MEI1: variants seen among roughly 807,000 people sequenced by gnomAD.
MEI1 encodes meiosis inhibitor protein 1.
In MEI1, 103 loss-of-function variants were observed where a neutral mutation model predicts 146.2. That is an observed-to-expected ratio of 0.70 (90% CI 0.60 to 0.83). MEI1 has a LOEUF of 0.83. Among genes scored for constraint, MEI1 ranks in the 40% least tolerant of loss-of-function variants. MEI1 has a pLI of 0.00. For missense variants in MEI1, 1,529 were observed against 1,533.0 expected (o/e 1.00, Z 0.04); for synonymous variants, 652 against 628.2 (o/e 1.04, Z -0.57).
rs2071761583 is a variant in MEI1 at position 41,730,509 on chromosome 22, C to T, written c.980-12C>T. ...CTGTCATTTATTGTTTTCTCATCCTCTCCCTTGTTAGAGTTCCTCTTTGAG... is the reference window on the plus strand; with the variant it reads ...CTGTCATTTATTGTTTTCTCATCCTTTCCCTTGTTAGAGTTCCTCTTTGAG... On this transcript the variant is annotated splice_polypyrimidine_tract_variant and intron_variant, in intron 8 of 30. Transcript: ENST00000401548. 2 of 1,583,110 alleles carry T rather than the reference C, an allele frequency of 1.3e-6. No individual in the cohort carries two copies. The highest frequency in any genetic ancestry group is 1.7e-6 in the Non-Finnish European group (2 of 1,151,852).
chr22:41,730,817 G>T (rs78712535), intron 9 of MEI1, among the ~76,000 whole-genome samples, 180 bp downstream of exon 9: 577 of 152,220 alleles, frequency 3.8e-3, no homozygotes, highest in Non-Finnish European at 6.2e-3. Context: ...CAAATGTTCT[G>T]CTGTTCGCTG....
In MEI1 at chr22:41,740,034, G is replaced by A. The variant is rs112724017; in HGVS notation, c.1332-3046G>A. ...TGGATTATTTTACTTTTTTTTTGGTGGGGGGGGTGGAGTCTCGCTCTGTTG... is the reference window on the plus strand; with the variant it reads ...TGGATTATTTTACTTTTTTTTTGGTAGGGGGGGTGGAGTCTCGCTCTGTTG... On this transcript the variant is annotated intron_variant, in intron 11 of 30. Coordinates refer to ENST00000401548, the MANE Select transcript of MEI1 (RefSeq NM_152513.4). Among the ~76,000 whole-genome samples the A allele has an allele frequency of 6.0e-5, 9 of 150,492 alleles. No homozygotes were observed. The East Asian group carries it at 9.7e-4, about 16-fold the overall frequency.
intron 3 of MEI1, among the ~76,000 whole-genome samples, chr22:41,706,510 C>T (rs1467650050): frequency 3.3e-5 from 5 of 151,950 alleles, no homozygotes; most frequent in East Asian, 1.9e-4. Context: ...TAGTACATCT[C>T]GTATTGGTTC....
At position 41,716,355 on chromosome 22, in the gene MEI1, C is replaced by CTTTTTTT. The variant is rs6147630; in HGVS notation, c.529+241_529+247dup. ...TATTCTTGGACTATTTCCATTCATT[C>CTTTTTTT]TTTTTTTTTTTTTTTTTTTTTTTTT... is the stretch of plus-strand genomic sequence containing the variant. On this transcript the variant is annotated intron_variant, in intron 5 of 30. Coordinates refer to ENST00000401548, the MANE Select transcript of MEI1 (RefSeq NM_152513.4). 8.0e-4 allele frequency among the ~76,000 whole-genome samples: 95 copies of CTTTTTTT among 118,560 alleles called. 9 individuals carry two copies. Among genetic ancestry groups the CTTTTTTT allele is most frequent in the Non-Finnish European group, 1.1e-3 (64 of 58,670 alleles). The allele number at this position is 118,560 out of a possible 152,430, so 77.8% of individuals were successfully genotyped here.
intron 11 of MEI1, among the ~76,000 whole-genome samples, chr22:41,742,841 A>G (rs1303425827): frequency 1.3e-5 from 2 of 152,060 alleles, no homozygotes; most frequent in African/African-American, 4.8e-5. Flanking sequence ...ACTGGGTTTC[A>G]CCATGTTGCC....
chr22:41,743,185 G>A lies in MEI1; in HGVS notation c.1437G>A (p.Arg479=). ...CAEFSQTLLS[R]RPLGHASSRD... ...AGTTTTCCCAGACCTTGCTGAGCAG[G>A]AGGCCCCTGGTCAGTGTACTGCAGC... Residue 479 remains arginine (R), a synonymous_variant, in exon 12 of 31, where the codon AGG becomes AGA. Transcript: ENST00000401548. 6.2e-7 allele frequency: 1 copy of A among 1,612,604 alleles called. No individual in the cohort carries two copies. Among genetic ancestry groups the A allele is most frequent in the African/African-American group, 1.3e-5 (1 of 75,018 alleles).
At chr22:41,760,568 G>A (rs980231867) in intron 18 of MEI1, among the ~76,000 whole-genome samples, 2 of 152,092 alleles carry the variant, frequency 1.3e-5, no homozygotes, top group South Asian at 2.1e-4. Flanking sequence ...AGGACGAGCC[G>A]TAGACAGAAC....
At chr22:41,772,798 G>A (rs2075256413) in intron 20 of MEI1, among the ~76,000 whole-genome samples, 1 of 152,120 alleles carries the variant, frequency 6.6e-6, no homozygotes, top group African/African-American at 2.4e-5. Flanking sequence ...TCACACCCAT[G>A]GCTTTGTTTG....
chr22:41,778,998 G>C, intron 22 of MEI1, 186 bp downstream of exon 22: 1 of 538,820 alleles, frequency 1.9e-6, no homozygotes. Context: ...TTGTTCTCTG[G>C]GAATGTTTGG....
chr22:41,748,921 G>C (rs1158789869), intron 15 of MEI1, among the ~76,000 whole-genome samples: 2 of 151,816 alleles, frequency 1.3e-5, no homozygotes, highest in African/African-American at 4.8e-5. Flanking sequence ...TCCTGTTTCA[G>C]CGTCCTGATT....
chr22:41,786,412 TG>T (rs1050175756), intron 26 of MEI1, among the ~76,000 whole-genome samples: 6 of 152,210 alleles, frequency 3.9e-5, no homozygotes, highest in African/African-American at 1.4e-4. Context: ...TGAGAAGTCC[TG>T]GGGTCAATAC....
intron 11 of MEI1, among the ~76,000 whole-genome samples, chr22:41,733,021 T>C (rs1291876486): frequency 6.6e-6 from 1 of 152,032 alleles, no homozygotes; most frequent in East Asian, 1.9e-4. Context: ...CCTCAGGTGA[T>C]TCACCTGTCT....
chr22:41,753,950 C>T lies in MEI1; in HGVS notation c.1855C>T (p.His619Tyr). 1 of 1,605,736 alleles carries T rather than the reference C, an allele frequency of 6.2e-7. No homozygotes were observed. Among genetic ancestry groups the T allele is most frequent in the South Asian group, 1.1e-5 (1 of 90,882 alleles). The change falls in exon 17 of 31, where the codon CAC becomes TAC. Residue 619 changes from histidine (H) to tyrosine (Y), a missense_variant and splice_region_variant. By Grantham distance (83) the His-to-Tyr change is moderately conservative. This residue lies in a region of MEI1 where 1,212 missense variants were observed against 1,178.9 expected (regional missense o/e 1.03). Transcript: ENST00000401548. ...ATTCTTTCTTCTTCTCCCTCTAAGTCACTCAGCCCTAAACCAGGTGTGTTC... is the reference window on the plus strand; with the variant it reads ...ATTCTTTCTTCTTCTCCCTCTAAGTTACTCAGCCCTAAACCAGGTGTGTTC... ...LKARFCSGLSHSALNQVCSNF... is the reference protein window; with the variant it reads ...LKARFCSGLSYSALNQVCSNF...
chr22:41,724,846 C>A (rs896688666), intron 7 of MEI1, among the ~76,000 whole-genome samples: 2 of 151,140 alleles, frequency 1.3e-5, no homozygotes, highest in African/African-American at 2.4e-5. Flanking sequence ...TCTCTCCACT[C>A]AGGCTGGAAT....
At chr22:41,781,027 A>T (rs1012067434) in intron 22 of MEI1, among the ~76,000 whole-genome samples, 3 of 152,184 alleles carry the variant, frequency 2.0e-5, no homozygotes, top group Non-Finnish European at 4.4e-5. Flanking sequence ...TGTTCACAGG[A>T]TGGATCCCTT....
chr22:41,770,023 A>G (rs2075084792), intron 19 of MEI1, among the ~76,000 whole-genome samples: 1 of 151,642 alleles, frequency 6.6e-6, no homozygotes, highest in South Asian at 2.1e-4. Flanking sequence ...AATCCCAGCT[A>G]CTCAGGAGGC....
At position 41,795,270 on chromosome 22, in the gene MEI1, C is replaced by T; in HGVS notation, c.3535-141C>T. On this transcript the variant is annotated intron_variant, in intron 28 of 30. Coordinates refer to ENST00000401548, the MANE Select transcript of MEI1 (RefSeq NM_152513.4). The surrounding 1 kb of genome is among the most constrained non-coding windows in gnomAD (Gnocchi z 4.2). ...CCCCATGACACAGTCCCACCTCTGC[C>T]CACTAACTCTGAGCTCCTTGAAGGC... The T allele has an allele frequency of 8.9e-7, 1 of 1,123,720 alleles. No homozygotes were observed. Among genetic ancestry groups the T allele is most frequent in the Non-Finnish European group, 1.3e-6 (1 of 784,554 alleles). The allele number at this position is 1,123,720 out of a possible 1,614,324, so 69.6% of individuals were successfully genotyped here. A position where few individuals can be genotyped will look rare whatever the true frequency, so the allele number is the denominator to read the frequency against.
intron 12 of MEI1, among the ~76,000 whole-genome samples, chr22:41,744,193 C>T (rs1047008863): frequency 3.3e-5 from 5 of 151,066 alleles, no homozygotes; most frequent in Non-Finnish European, 7.4e-5. Flanking sequence ...TATTCTGAGA[C>T]GGAGTCTTGC....
intron 11 of MEI1, among the ~76,000 whole-genome samples, chr22:41,741,674 T>C (rs1440681169): frequency 6.6e-6 from 1 of 152,254 alleles, no homozygotes. Context: ...AGACTTTGAC[T>C]CAGAAAATTC....
Sources: gnomAD v4.1 joint callset for allele counts (sites outside exome capture counted in the v4.1 genomes callset) on GRCh38, gnomAD v4.1.1 for gene constraint, gnomAD v4.1.1 regional missense constraint, Gnocchi (gnomAD v3.1) non-coding constraint, MANE v1.5 for transcripts, NCBI Gene and HGNC (gene_info 2026-07-23, HGNC 2026-07-21) for gene names.